ZKSCAN1: variants seen among roughly 807,000 people sequenced by gnomAD.
The protein encoded by ZKSCAN1 is zinc finger with KRAB and SCAN domains 1.
Under a neutral mutation model 51.6 loss-of-function variants are expected in ZKSCAN1, and 14 were observed. The observed-to-expected ratio is 0.27, with a 90% CI of 0.18 to 0.42. The LOEUF is 0.42. ZKSCAN1 is among the 10% of genes least tolerant of loss of function. ZKSCAN1 has a pLI of 1.00. For synonymous variants in ZKSCAN1, 263 were observed against 261.5 expected (o/e 1.01, Z -0.06); for missense variants, 531 against 710.0 (o/e 0.75, Z 2.86).
chr7:100,026,415 C>T (rs1258506048), intron 3 of ZKSCAN1, among the ~76,000 whole-genome samples: 1 of 151,836 alleles, frequency 6.6e-6, no homozygotes, highest in Non-Finnish European at 1.5e-5. Flanking sequence ...CTAAATTTAT[C>T]TTTAAAATTT....
chr7:100,018,775 C>T (rs986754060), intron 1 of ZKSCAN1, among the ~76,000 whole-genome samples: 1 of 152,130 alleles, frequency 6.6e-6, no homozygotes, highest in East Asian at 1.9e-4. Flanking sequence ...ATCTGGGAAA[C>T]CTCAAATAAA....
In ZKSCAN1 at chr7:100,036,415, G is replaced by A. The variant is rs996857669; in HGVS notation, c.*2218G>A. ...CCTGTGCTTTTGAGCAAGGACTTTT[G>A]CCCTCTAGAAAGCAACTGAGGCCAG... is the stretch of plus-strand genomic sequence containing the variant. On this transcript the variant is annotated 3_prime_UTR_variant, in exon 6 of 6. Coordinates refer to ENST00000324306, the MANE Select transcript of ZKSCAN1 (RefSeq NM_003439.4). 4 of 985,256 alleles carry A rather than the reference G, an allele frequency of 4.1e-6. No individual in the cohort carries two copies. In the African/African-American group the frequency reaches 5.2e-5, roughly 13 times the overall value. The allele number at this position is 985,256 out of a possible 1,614,324, so 61.0% of individuals were successfully genotyped here.
chr7:100,026,989 A>T (rs889378796), intron 3 of ZKSCAN1, among the ~76,000 whole-genome samples: 4 of 151,238 alleles, frequency 2.6e-5, no homozygotes, highest in African/African-American at 9.7e-5. Flanking sequence ...ACAGAGCAAA[A>T]CTCCATCTCA....
chr7:100,016,258 G>A (rs572624647), intron 1 of ZKSCAN1, among the ~76,000 whole-genome samples: 1 of 152,252 alleles, frequency 6.6e-6, no homozygotes, highest in Admixed American at 6.5e-5. Flanking sequence ...TCACTGAGCG[G>A]TGATTAAAGA....
chr7:100,017,438 G>T (rs1790415721), intron 1 of ZKSCAN1, among the ~76,000 whole-genome samples: 2 of 152,220 alleles, frequency 1.3e-5, no homozygotes, highest in African/African-American at 4.8e-5. Context: ...GGCCAGGCTG[G>T]TCTCGAACGC....
rs749552350 is a variant in ZKSCAN1, at chr7:100,023,803, G to T, written c.297G>T (p.Leu99=). The change falls in exon 2 of 6, where the codon CTG becomes CTT. Residue 99 remains leucine (L), a synonymous_variant. Transcript: ENST00000324306. ...CCAAGGAACAGATCCTGGAGCTTCT[G>T]GTGCTAGAGCAGTTTCTTTCCATCC... ...INTKEQILEL[L]VLEQFLSILP... is the part of the protein sequence containing the mutation. 1.2e-6 allele frequency: 2 copies of T among 1,614,164 alleles called. No homozygotes were observed.
At position 100,038,847 on chromosome 7, in the gene ZKSCAN1, T is replaced by C. The variant is rs1484190447; in HGVS notation, c.*4650T>C. ...CGTCTCTACTAAAAATACAAAAAAA[T>C]AGCTGGGCGTGGTGGCGGGCGCCTG... On this transcript the variant is annotated 3_prime_UTR_variant, in exon 6 of 6. Transcript: ENST00000324306. 1.8e-6 allele frequency: 1 copy of C among 562,186 alleles called. No homozygotes were observed. Among genetic ancestry groups the C allele is most frequent in the Non-Finnish European group, 2.3e-6 (1 of 443,818 alleles). 34.8% of individuals were successfully genotyped at this position (562,186 alleles called of 1,614,324 possible).
intron 3 of ZKSCAN1, among the ~76,000 whole-genome samples, chr7:100,026,578 T>A (rs1256720763): frequency 6.6e-6 from 1 of 151,930 alleles, no homozygotes; most frequent in Admixed American, 6.6e-5. Context: ...ATAAAAAAAT[T>A]AGCCAGGCGT....
Position 100,034,369 on chromosome 7 carries a change from G to A in ZKSCAN1, c.*172G>A. ...TGTTCTGCCTTTATGTAGTAGTTGG[G>A]CATATAATCCTTCCACACAGCCCCT... is the stretch of plus-strand genomic sequence containing the variant. On this transcript the variant is annotated 3_prime_UTR_variant, in exon 6 of 6. Transcript: ENST00000324306. The A allele has an allele frequency of 7.4e-7, 1 of 1,359,456 alleles. No homozygotes were observed. The highest frequency in any genetic ancestry group is 9.4e-7 in the Non-Finnish European group (1 of 1,064,086). 84.2% of individuals were successfully genotyped at this position (1,359,456 alleles called of 1,614,324 possible). A position where few individuals can be genotyped will look rare whatever the true frequency, so the allele number is the denominator to read the frequency against.
At position 100,040,184 on chromosome 7, in the gene ZKSCAN1, C is replaced by T; in HGVS notation, c.*5987C>T. 1.0e-6 allele frequency: 1 copy of T among 985,396 alleles called. No homozygotes were observed. Among genetic ancestry groups the T allele is most frequent in the Non-Finnish European group, 1.2e-6 (1 of 829,918 alleles). The allele number at this position is 985,396 out of a possible 1,614,324, so 61.0% of individuals were successfully genotyped here. On this transcript the variant is annotated 3_prime_UTR_variant, in exon 6 of 6. Transcript: ENST00000324306. ...GAAATACTTTTGACATCCCACAATA[C>T]AGAATGTCTTAACATGAGAATTGAA...
chr7:100,034,534 T>C lies in ZKSCAN1; in HGVS notation c.*337T>C. The C allele has an allele frequency of 4.9e-6, 5 of 1,027,816 alleles. No homozygotes were observed. The highest frequency in any genetic ancestry group is 1.7e-5 in the African/African-American group (1 of 58,946). 63.7% of individuals were successfully genotyped at this position (1,027,816 alleles called of 1,614,324 possible). A position where few individuals can be genotyped will look rare whatever the true frequency, so the allele number is the denominator to read the frequency against. ...TGGACTCTCGGCAACCACAACATAATAGTTGAAAGATCAAGATTGGCTCCA... is the reference window on the plus strand; with the variant it reads ...TGGACTCTCGGCAACCACAACATAACAGTTGAAAGATCAAGATTGGCTCCA... On this transcript the variant is annotated 3_prime_UTR_variant, in exon 6 of 6. Coordinates refer to ENST00000324306, the MANE Select transcript of ZKSCAN1 (RefSeq NM_003439.4).
rs1298176731 is a variant in ZKSCAN1 at position 100,036,267 on chromosome 7, C to T, written c.*2070C>T. On this transcript the variant is annotated 3_prime_UTR_variant, in exon 6 of 6. Coordinates refer to ENST00000324306, the MANE Select transcript of ZKSCAN1 (RefSeq NM_003439.4). ...AACCAGTCACTAGGATATTTCTACC[C>T]ATGCAACGGAAGAAAAACCCATTAC... 1.0e-6 allele frequency: 1 copy of T among 985,264 alleles called. No individual in the cohort carries two copies. Among genetic ancestry groups the T allele is most frequent in the Non-Finnish European group, 1.2e-6 (1 of 829,936 alleles). The allele number at this position is 985,264 out of a possible 1,614,324, so 61.0% of individuals were successfully genotyped here.
In ZKSCAN1 at chr7:100,039,923, A is replaced by G. The variant is rs1001633045; in HGVS notation, c.*5726A>G. On this transcript the variant is annotated 3_prime_UTR_variant, in exon 6 of 6. Coordinates refer to ENST00000324306, the MANE Select transcript of ZKSCAN1 (RefSeq NM_003439.4). ...AGAAATTAGGGTAGATTTTTATTTC[A>G]ACTACTACTGGAGAATTTAATAAAA... 1.4e-5 allele frequency: 14 copies of G among 979,826 alleles called. No homozygotes were observed. Among genetic ancestry groups the G allele is most frequent in the Non-Finnish European group, 1.7e-5 (14 of 824,958 alleles). The allele number at this position is 979,826 out of a possible 1,614,324, so 60.7% of individuals were successfully genotyped here. A position where few individuals can be genotyped will look rare whatever the true frequency, so the allele number is the denominator to read the frequency against.
intron 3 of ZKSCAN1, 107 bp downstream of exon 3, chr7:100,024,414 C>A: frequency 1.5e-6 from 2 of 1,369,508 alleles, no homozygotes; most frequent in Non-Finnish European, 2.0e-6. Flanking sequence ...GGCAACGTAG[C>A]GAGACCCCAT....
intron 4 of ZKSCAN1, 98 bp from the exon 5 acceptor site, chr7:100,030,151 G>A: frequency 1.3e-6 from 2 of 1,546,824 alleles, no homozygotes; most frequent in Non-Finnish European, 1.8e-6. Flanking sequence ...CCAGCGTCCT[G>A]TAGCTTTGCA....
intron 2 of ZKSCAN1, 32 bp downstream of exon 2, chr7:100,023,964 C>G: frequency 6.5e-7 from 1 of 1,544,196 alleles, no homozygotes; most frequent in Non-Finnish European, 8.7e-7. Context: ...TATGTGTGAG[C>G]AGGGCACAGA....
chr7:100,022,124 G>A (rs553759034), intron 1 of ZKSCAN1, among the ~76,000 whole-genome samples: 22 of 152,094 alleles, frequency 1.4e-4, no homozygotes, highest in African/African-American at 5.3e-4. Context: ...GCGCGATCTC[G>A]GCTCACTGCA....
chr7:100,026,028 C>G (rs558553548), intron 3 of ZKSCAN1, among the ~76,000 whole-genome samples: 1 of 152,162 alleles, frequency 6.6e-6, no homozygotes, highest in African/African-American at 2.4e-5. Context: ...CGAGATCAGC[C>G]TGACCAACGT....
intron 4 of ZKSCAN1, 119 bp from the exon 5 acceptor site, chr7:100,030,130 C>G: frequency 6.7e-7 from 1 of 1,498,482 alleles, no homozygotes; most frequent in Non-Finnish European, 9.1e-7. Flanking sequence ...GTTCTGGCCA[C>G]CCTTTTCTTC....
Sources: gnomAD v4.1 joint callset for allele counts (sites outside exome capture counted in the v4.1 genomes callset) on GRCh38, gnomAD v4.1.1 for gene constraint, MANE v1.5 for transcripts, NCBI Gene and HGNC (gene_info 2026-07-23, HGNC 2026-07-21) for gene names.